DGKB: variants seen among roughly 807,000 people sequenced by gnomAD.
DGKB encodes 90 kDa diacylglycerol kinase.
DGKB carries 67 observed loss-of-function variants against 114.3 expected under a neutral mutation model. The ratio of observed to expected loss-of-function variants is 0.59; its 90% confidence interval spans 0.48 to 0.72. DGKB has a LOEUF of 0.72. Among genes scored for constraint, DGKB ranks in the 30% least tolerant of loss-of-function variants. The pLI is 0.00. For synonymous variants in DGKB, 398 were observed against 323.1 expected, an observed-to-expected ratio of 1.23 and a Z score of -2.49; for missense variants, 907 against 975.2, an observed-to-expected ratio of 0.93 and a Z score of 0.93.
At chr7:14,681,915 A>G (rs1351414870) in intron 12 of DGKB, among the ~76,000 whole-genome samples, 1 of 152,048 alleles carries the variant, frequency 6.6e-6, no homozygotes, top group Non-Finnish European at 1.5e-5. Context: ...TTATACCCCA[A>G]TGCATGATTT....
chr7:14,583,251 T>G, intron 17 of DGKB, 114 bp from the exon 18 acceptor site: 1 of 576,946 alleles, frequency 1.7e-6, no homozygotes, highest in Non-Finnish European at 3.0e-6. Context: ...ATAAAAACTG[T>G]AAAATATCTC....
At chr7:14,467,333 A>T (rs1780631577) in intron 21 of DGKB, among the ~76,000 whole-genome samples, 1 of 150,992 alleles carries the variant, frequency 6.6e-6, no homozygotes. Flanking sequence ...TGCATGTGTG[A>T]AATATCTTGA....
intron 23 of DGKB, among the ~76,000 whole-genome samples, chr7:14,267,437 C>T (rs1048326091): frequency 6.6e-6 from 1 of 151,844 alleles, no homozygotes; most frequent in African/African-American, 2.4e-5. Flanking sequence ...CAATTGCTGG[C>T]CCAGAAAACC....
At chr7:14,332,099 T>C (rs756317720) in intron 23 of DGKB, among the ~76,000 whole-genome samples, 7 of 150,702 alleles carry the variant, frequency 4.6e-5, no homozygotes, top group Non-Finnish European at 8.9e-5. Flanking sequence ...TGTTTGTTTG[T>C]TTTTTGTTTT....
intron 20 of DGKB, among the ~76,000 whole-genome samples, chr7:14,511,786 C>G (rs187124766): frequency 2.6e-5 from 4 of 151,998 alleles, no homozygotes; most frequent in Non-Finnish European, 5.9e-5. Context: ...TACTTAGAGG[C>G]CACGGTAGGG....
At chr7:14,297,983 G>C (rs1352945841) in intron 23 of DGKB, among the ~76,000 whole-genome samples, 1 of 152,092 alleles carries the variant, frequency 6.6e-6, no homozygotes, top group Non-Finnish European at 1.5e-5. Flanking sequence ...AAATACCTAG[G>C]AATACAACTT....
intron 20 of DGKB, among the ~76,000 whole-genome samples, chr7:14,523,355 A>G (rs1481200904): frequency 6.6e-6 from 1 of 152,184 alleles, no homozygotes; most frequent in Non-Finnish European, 1.5e-5. Flanking sequence ...TGAAATGACT[A>G]CATTATTTCC....
At chr7:14,285,577 A>G (rs1800747101) in intron 23 of DGKB, among the ~76,000 whole-genome samples, 2 of 152,216 alleles carry the variant, frequency 1.3e-5, no homozygotes, top group Non-Finnish European at 2.9e-5. Context: ...TCATGGATGA[A>G]GTATCAGTTG....
chr7:14,429,616 G>C (rs927935191), intron 21 of DGKB, among the ~76,000 whole-genome samples: 4 of 152,064 alleles, frequency 2.6e-5, no homozygotes, highest in African/African-American at 9.7e-5. Context: ...CTTTATAGTG[G>C]ATGCACATGA....
chr7:14,472,602 T>C (rs1781583899), intron 21 of DGKB, among the ~76,000 whole-genome samples: 1 of 152,104 alleles, frequency 6.6e-6, no homozygotes, highest in Admixed American at 6.6e-5. Context: ...TGGAACTGGG[T>C]AACAGGCAGA....
chr7:14,701,051 A>G (rs898294146), intron 7 of DGKB, among the ~76,000 whole-genome samples: 14 of 152,174 alleles, frequency 9.2e-5, no homozygotes, highest in African/African-American at 3.1e-4. Context: ...TGATTTCCAT[A>G]TATTACAAAT....
intron 23 of DGKB, among the ~76,000 whole-genome samples, chr7:14,256,158 A>C (rs904286578): frequency 1.1e-4 from 17 of 152,002 alleles, no homozygotes; most frequent in African/African-American, 2.4e-5. Flanking sequence ...CTTTTTACTG[A>C]ATCAGTTTTT....
At chr7:14,462,605 T>C (rs1009133516) in intron 21 of DGKB, among the ~76,000 whole-genome samples, 2 of 152,130 alleles carry the variant, frequency 1.3e-5, no homozygotes, top group South Asian at 2.1e-4. Context: ...CACCAACAAA[T>C]GGAAAAACAT....
chr7:14,312,305 G>A (rs144595861), intron 23 of DGKB, among the ~76,000 whole-genome samples: 170 of 152,284 alleles, frequency 1.1e-3, no homozygotes, highest in African/African-American at 4.1e-3. Flanking sequence ...GAAGGTCCCT[G>A]AAACACTTTC....
At chr7:14,734,618 T>C (rs1312031823) in intron 5 of DGKB, among the ~76,000 whole-genome samples, 1 of 152,194 alleles carries the variant, frequency 6.6e-6, no homozygotes, top group African/African-American at 2.4e-5. Context: ...ATTAAAGAGA[T>C]TTGCAATTAT....
intron 25 of DGKB, among the ~76,000 whole-genome samples, chr7:14,164,228 C>T (rs1432259739): frequency 2.0e-5 from 3 of 152,122 alleles, no homozygotes; most frequent in Non-Finnish European, 2.9e-5. Flanking sequence ...ACTAAAAATA[C>T]ACGTTCTTCT....
At chr7:14,491,790 GAAT>G (rs558152943) in intron 20 of DGKB, among the ~76,000 whole-genome samples, 2 of 151,886 alleles carry the variant, frequency 1.3e-5, no homozygotes, top group Non-Finnish European at 2.9e-5. Context: ...TTGTTCTCAA[GAAT>G]AATATTATTT....
chr7:14,290,714 G>A lies in DGKB; in HGVS notation c.2122+47801C>T, dbSNP rs566272014. On this transcript the variant is annotated intron_variant, in intron 23 of 25. Coordinates refer to ENST00000402815, the MANE Select transcript of DGKB (RefSeq NM_001350709.2). ...CTCATGCCATGATGAATGTCAACAG[G>A]TCATACAAGCAAAGATAACTGTCTC... Among the ~76,000 whole-genome samples the A allele has an allele frequency of 3.4e-4, 51 of 152,136 alleles. 1 individual carries two copies. Among genetic ancestry groups the A allele is most frequent in the African/African-American group, 1.0e-3 (42 of 41,508 alleles).
intron 17 of DGKB, among the ~76,000 whole-genome samples, chr7:14,584,668 T>A (rs1232145440): frequency 6.6e-6 from 1 of 152,030 alleles, no homozygotes; most frequent in Non-Finnish European, 1.5e-5. Flanking sequence ...TATTTTTATT[T>A]TTTTTTTGAG....
Sources: gnomAD v4.1 joint callset for allele counts (sites outside exome capture counted in the v4.1 genomes callset) on GRCh38, gnomAD v4.1.1 for gene constraint, MANE v1.5 for transcripts, NCBI Gene and HGNC (gene_info 2026-07-23, HGNC 2026-07-21) for gene names.